Variants in EXO1 observed in about 807,000 individuals in gnomAD.
EXO1 encodes exonuclease 1.
A neutral mutation model predicts 84.5 loss-of-function variants in EXO1; 69 were observed. The ratio of observed to expected loss-of-function variants is 0.82; its 90% CI spans 0.67 to 1.00. The LOEUF (loss-of-function observed/expected upper bound fraction) is 1.00. Among genes scored for constraint, EXO1 ranks in the 50% least tolerant of loss-of-function variants. The pLI is 0.00. For missense variants in EXO1, 1,045 were observed against 1,000.7 expected (o/e 1.04, Z -0.60); for synonymous variants, 373 against 366.1 (o/e 1.02, Z -0.21).
At chr1:241,854,291 C>T (rs971044529) in intron 6 of EXO1, among the ~76,000 whole-genome samples, 2 of 152,182 alleles carry the variant, frequency 1.3e-5, no homozygotes, top group Admixed American at 1.3e-4. Context: ...GCATGTGCCA[C>T]CACGCCCGGC....
chr1:241,862,863 AT>A (rs1661479047), intron 10 of EXO1, among the ~76,000 whole-genome samples: 1 of 152,184 alleles, frequency 6.6e-6, no homozygotes, highest in Non-Finnish European at 1.5e-5. Context: ...TTGCTCACTA[AT>A]TTATTCCTTT....
intron 12 of EXO1, among the ~76,000 whole-genome samples, chr1:241,873,708 C>G (rs558886368): frequency 6.6e-6 from 1 of 152,178 alleles, no homozygotes; most frequent in East Asian, 1.9e-4. Context: ...AAAAATCTTT[C>G]CATACAGTAT....
intron 4 of EXO1, among the ~76,000 whole-genome samples, chr1:241,850,966 C>T (rs1660638494): frequency 6.6e-6 from 1 of 150,444 alleles, no homozygotes; most frequent in South Asian, 2.1e-4. Context: ...TCCCAAGTAG[C>T]TGGGATTACA....
In EXO1 at chr1:241,889,600, A is replaced by G; in HGVS notation, c.2541A>G (p.Ter847=). The change falls in exon 16 of 16, where the codon TAA becomes TAG. Residue 847 remains the stop codon, a stop_retained_variant. Transcript: ENST00000366548. ...CGRVQRAIFQ[*] The stretch of plus-strand genomic sequence containing the variant: ...GTGTTCAAAGAGCAATATTCCAGTA[A>G]ATGCAGACTGCTGCAAAGCTTTTGC... 1 of 1,613,986 alleles carries G rather than the reference A, an allele frequency of 6.2e-7. No homozygotes were observed. Among genetic ancestry groups the G allele is most frequent in the Non-Finnish European group, 8.5e-7 (1 of 1,179,904 alleles).
chr1:241,855,085 C>T (rs746155061), intron 6 of EXO1, among the ~76,000 whole-genome samples: 24 of 152,126 alleles, frequency 1.6e-4, no homozygotes, highest in African/African-American at 4.8e-4. Flanking sequence ...TTGCAAAGAG[C>T]GAAAGAACAA....
Position 241,869,138 on chromosome 1 carries a change from T to C in EXO1, c.1267+2083T>C, listed in dbSNP as rs375273091. 2.6e-5 allele frequency among the ~76,000 whole-genome samples: 4 copies of C among 152,350 alleles called. No homozygotes were observed. In the East Asian group the frequency reaches 5.8e-4, roughly 22 times the overall value. On this transcript the variant is annotated intron_variant, in intron 11 of 15. Transcript: ENST00000366548. ...CTTTTGAACTGCCTGATTTCAAGAT[T>C]ATACTGCCTGACTTCAAGATTTCCT... is the stretch of plus-strand genomic sequence containing the variant.
chr1:241,889,058 C>T (rs974036544), intron 15 of EXO1, among the ~76,000 whole-genome samples: 3 of 151,316 alleles, frequency 2.0e-5, no homozygotes, highest in Non-Finnish European at 4.4e-5. Flanking sequence ...GGTGACAGAG[C>T]GAGACCATCT....
rs1661200498 is a variant in EXO1, at chr1:241,858,640, C to T, written c.678C>T (p.Tyr226=). ...RYMCILSGCD[Y]LSSLRGIGLA... ...TGTGTATTCTTTCAGGTTGTGACTACCTGTCATCACTGCGTGGGATTGGAT... is the reference window on the plus strand; with the variant it reads ...TGTGTATTCTTTCAGGTTGTGACTATCTGTCATCACTGCGTGGGATTGGAT... The change falls in exon 8 of 16, where the codon TAC becomes TAT. Residue 226 remains tyrosine (Y), a synonymous_variant. Coordinates refer to ENST00000366548, the MANE Select transcript of EXO1 (RefSeq NM_130398.4). 1 of 1,613,980 alleles carries T rather than the reference C, an allele frequency of 6.2e-7. No homozygotes were observed. The highest frequency in any genetic ancestry group is 8.5e-7 in the Non-Finnish European group (1 of 1,179,918).
chr1:241,861,387 CT>C lies in EXO1; in HGVS notation c.945-17del. On this transcript the variant is annotated intron_variant, in intron 9 of 15. Transcript: ENST00000366548. ...TTGGTTGTTAATAAATACATTTTTC[CT>C]TAATCTTGCTAATCTAGATATGTTG... 1.6e-6 allele frequency: 2 copies of C among 1,225,004 alleles called. No individual in the cohort carries two copies. Among genetic ancestry groups the C allele is most frequent in the African/African-American group, 1.5e-5 (1 of 67,574 alleles). 75.9% of individuals were successfully genotyped at this position (1,225,004 alleles called of 1,614,324 possible).
In EXO1 at chr1:241,850,443, G is replaced by C. The variant is rs1660597272; in HGVS notation, c.18G>C (p.Leu6Phe). 1 of 1,613,756 alleles carries C rather than the reference G, an allele frequency of 6.2e-7. No homozygotes were observed. Among genetic ancestry groups the C allele is most frequent in the African/African-American group, 1.3e-5 (1 of 74,910 alleles). The change falls in exon 4 of 16, where the codon TTG (leucine) becomes TTC (phenylalanine). Residue 6 changes from leucine (L) to phenylalanine (F), a missense_variant. Coordinates refer to ENST00000366548, the MANE Select transcript of EXO1 (RefSeq NM_130398.4). Reference protein sequence around the residue: MGIQGLLQFIKEASEP... With the variant: MGIQGFLQFIKEASEP... ...TTGGCACCATGGGGATACAGGGATT[G>C]CTACAATTTATCAAAGAAGCTTCAG...
At chr1:241,886,490 A>T (rs889104158) in intron 15 of EXO1, among the ~76,000 whole-genome samples, 1 of 152,206 alleles carries the variant, frequency 6.6e-6, no homozygotes, top group Admixed American at 6.5e-5. Flanking sequence ...AAATATTGTC[A>T]TAGATGAGGC....
chr1:241,856,001 T>A (rs574795796), intron 6 of EXO1, among the ~76,000 whole-genome samples: 98 of 152,320 alleles, frequency 6.4e-4, no homozygotes, highest in Non-Finnish European at 1.2e-3. Context: ...GGCTCCGGCC[T>A]TGGCCAGCCC....
intron 3 of EXO1, among the ~76,000 whole-genome samples, chr1:241,849,810 G>A (rs1049006099): frequency 6.6e-6 from 1 of 152,192 alleles, no homozygotes. Flanking sequence ...CTGGCTCCTT[G>A]AAGCATGTGT....
intron 14 of EXO1, among the ~76,000 whole-genome samples, chr1:241,882,560 A>C (rs1455737627): frequency 6.6e-6 from 1 of 152,210 alleles, no homozygotes; most frequent in Non-Finnish European, 1.5e-5. Context: ...TATTTTATAT[A>C]TTAAGCACGA....
At position 241,848,904 on chromosome 1, in the gene EXO1, T is replaced by C. The variant is rs1164905472; in HGVS notation, c.-246T>C. On this transcript the variant is annotated 5_prime_UTR_variant, in exon 2 of 16. It removes the in-frame stop codon of an upstream open reading frame in the 5' UTR. Transcript: ENST00000366548. This position sits in a 1 kb window ranked among gnomAD's most constrained non-coding sequence, Gnocchi z 4.2. ...TCGCACTCAGCCATTCTTACTACGC[T>C]AAAGAAGAAATAATTATTCGAGGAT... 6.6e-6 allele frequency: 1 copy of C among 152,154 alleles called. No homozygotes were observed. Among genetic ancestry groups the C allele is most frequent in the Non-Finnish European group, 1.5e-5 (1 of 68,032 alleles). 9.4% of individuals were successfully genotyped at this position (152,154 alleles called of 1,614,324 possible).
At chr1:241,871,722 C>A (rs769788374) in intron 11 of EXO1, among the ~76,000 whole-genome samples, 1 of 151,886 alleles carries the variant, frequency 6.6e-6, no homozygotes, top group Non-Finnish European at 1.5e-5. Flanking sequence ...CAAAATTAGA[C>A]CCTTAGTATA....
chr1:241,878,827 A>G lies in EXO1; in HGVS notation c.1593A>G (p.Thr531=). The change falls in exon 13 of 16, where the codon ACA becomes ACG. Residue 531 remains threonine, a synonymous_variant. Coordinates refer to ENST00000366548, the MANE Select transcript of EXO1 (RefSeq NM_130398.4). ...SIQPLDETAV[T]DKENNLHESE... is the part of the protein sequence containing the mutation. Reference sequence around the variant, plus strand: ...AGCCTCTGGATGAAACTGCTGTCACAGATAAAGAGAACAATCTGCATGAAT... The same window carrying G: ...AGCCTCTGGATGAAACTGCTGTCACGGATAAAGAGAACAATCTGCATGAAT... 6.2e-7 allele frequency: 1 copy of G among 1,614,158 alleles called. No homozygotes were observed. Among genetic ancestry groups the G allele is most frequent in the Non-Finnish European group, 8.5e-7 (1 of 1,180,012 alleles).
At chr1:241,873,554 C>G (rs1268684207) in intron 12 of EXO1, among the ~76,000 whole-genome samples, 1 of 151,728 alleles carries the variant, frequency 6.6e-6, no homozygotes, top group Non-Finnish European at 1.5e-5. Flanking sequence ...AAAGTATTTT[C>G]AGAAATATAT....
rs2148386676 is a variant in EXO1 at position 241,852,481 on chromosome 1, C to G, written c.281+70C>G. ...TCAGACACTGTAGTCTATATGATAC[C>G]AATTTTTAAAATTTTAAGCCAGGCT... On this transcript the variant is annotated intron_variant, in intron 5 of 15. Coordinates refer to ENST00000366548, the MANE Select transcript of EXO1 (RefSeq NM_130398.4). 2.1e-6 allele frequency: 3 copies of G among 1,438,524 alleles called. No homozygotes were observed. In the South Asian group the frequency reaches 3.4e-5, roughly 17 times the overall value. 89.1% of individuals were successfully genotyped at this position (1,438,524 alleles called of 1,614,324 possible). A position where few individuals can be genotyped will look rare whatever the true frequency, so the allele number is the denominator to read the frequency against.
Sources: gnomAD v4.1 joint callset for allele counts (sites outside exome capture counted in the v4.1 genomes callset) on GRCh38, gnomAD v4.1.1 for gene constraint, Gnocchi (gnomAD v3.1) non-coding constraint, MANE v1.5 for transcripts, NCBI Gene and HGNC (gene_info 2026-07-23, HGNC 2026-07-21) for gene names.